The following NFASC variants were observed in gnomAD, a reference collection of about 807,000 sequenced individuals.
NFASC encodes neurofascin.
In NFASC, 43 loss-of-function variants were observed where a neutral mutation model predicts 147.5. The observed-to-expected ratio is 0.29, with a 90% CI of 0.23 to 0.38. NFASC has a LOEUF of 0.38. NFASC is among the 10% of genes least tolerant of loss of function. The pLI is 1.00. For missense variants in NFASC, 1,320 were observed against 1,689.0 expected, an observed-to-expected ratio of 0.78 and a Z score of 3.83; for synonymous variants, 622 against 665.5, an observed-to-expected ratio of 0.93 and a Z score of 1.01.
chr1:205,009,486 C>T, intron 27 of NFASC, 71 bp from the exon 28 acceptor site: 1 of 1,511,880 alleles, frequency 6.6e-7, no homozygotes, highest in South Asian at 1.1e-5. Flanking sequence ...TGAAGTTCTT[C>T]CCTCCATCTC....
At chr1:204,963,369 G>A (rs767541997) in intron 8 of NFASC, among the ~76,000 whole-genome samples, 3 of 152,194 alleles carry the variant, frequency 2.0e-5, no homozygotes, top group African/African-American at 4.8e-5. Context: ...GTTCTAAATC[G>A]GATTCCAGGT....
At chr1:204,912,880 T>C (rs1074104) in intron 1 of NFASC, among the ~76,000 whole-genome samples, 29,277 of 151,544 alleles carry the variant, frequency 0.19, 3,417 homozygotes, top group East Asian at 0.43. Flanking sequence ...ATTTAAAAAT[T>C]AGCTAAGCGT....
intron 28 of NFASC, among the ~76,000 whole-genome samples, chr1:205,012,063 G>T (rs2096264182): frequency 6.6e-6 from 1 of 152,206 alleles, no homozygotes; most frequent in African/African-American, 2.4e-5. Flanking sequence ...AACAAAAAAA[G>T]ATACATAAAG....
At chr1:204,831,432 T>G (rs1672198800) in intron 1 of NFASC, among the ~76,000 whole-genome samples, 1 of 151,354 alleles carries the variant, frequency 6.6e-6, no homozygotes, top group Admixed American at 6.6e-5. Flanking sequence ...TGGCTTTGCA[T>G]TTCTGGGGTG....
intron 1 of NFASC, among the ~76,000 whole-genome samples, chr1:204,888,152 A>G (rs993412741): frequency 1.3e-5 from 2 of 151,982 alleles, no homozygotes; most frequent in African/African-American, 4.8e-5. Context: ...GTTTCCATCC[A>G]TATTTGTCTC....
At chr1:204,928,061 A>G (rs1371266247) in intron 2 of NFASC, among the ~76,000 whole-genome samples, 2 of 152,014 alleles carry the variant, frequency 1.3e-5, no homozygotes, top group Non-Finnish European at 2.9e-5. Context: ...TAGTGGTAAC[A>G]CCTTAACTTG....
chr1:204,844,676 A>T (rs908738864), intron 1 of NFASC, among the ~76,000 whole-genome samples: 7 of 152,126 alleles, frequency 4.6e-5, no homozygotes, highest in Non-Finnish European at 1.0e-4. Context: ...GGCTCAATGT[A>T]AGAATTAAAG....
intron 1 of NFASC, among the ~76,000 whole-genome samples, chr1:204,893,153 A>G (rs2082729682): frequency 6.6e-6 from 1 of 152,220 alleles, no homozygotes; most frequent in Non-Finnish European, 1.5e-5. Flanking sequence ...CTGCTTTTCA[A>G]GTCTAGCTGG....
rs577373052 is a variant in NFASC, at chr1:204,968,090, A to G, written c.707-159A>G. 4.9e-4 allele frequency: 301 copies of G among 609,538 alleles called. 4 individuals carry two copies. The South Asian group carries it at 5.4e-3, about 11-fold the overall frequency. 37.8% of individuals were successfully genotyped at this position (609,538 alleles called of 1,614,324 possible). A position where few individuals can be genotyped will look rare whatever the true frequency, so the allele number is the denominator to read the frequency against. On this transcript the variant is annotated intron_variant, in intron 8 of 29. Transcript: ENST00000339876. The surrounding 1 kb of genome is among the most constrained non-coding windows in gnomAD (Gnocchi z 5.4). ...GGGCTGAGGAGCCCTGGGCTTCCTA[A>G]CACACCTCACTTAATGATGCCCAAG...
intron 1 of NFASC, among the ~76,000 whole-genome samples, chr1:204,866,448 G>C (rs563430292): frequency 2.6e-5 from 4 of 152,338 alleles, no homozygotes; most frequent in African/African-American, 9.6e-5. Flanking sequence ...CAAGAATTAA[G>C]AAGCTGGCAG....
intron 25 of NFASC, chr1:204,999,121 T>G (rs1300546383): frequency 6.6e-6 from 1 of 152,266 alleles, no homozygotes; most frequent in East Asian, 1.9e-4. Flanking sequence ...CCTGTCTTTT[T>G]CAGATTTCCA....
At chr1:204,837,435 C>G (rs907786339) in intron 1 of NFASC, among the ~76,000 whole-genome samples, 10 of 152,170 alleles carry the variant, frequency 6.6e-5, no homozygotes, top group African/African-American at 9.7e-5. Context: ...TGGGGCCAGA[C>G]TGTAGCAAAC....
In NFASC at chr1:204,883,211, C is replaced by T. The variant is rs142055305; in HGVS notation, c.-199-37421C>T. On this transcript the variant is annotated intron_variant, in intron 1 of 29. Coordinates refer to ENST00000339876, the MANE Select transcript of NFASC (RefSeq NM_001005388.3). Reference sequence around the variant, plus strand: ...ATGCAGAGAAGCTATATGTGGCAAGCACTATAGGCCATAAGGGGCTTGGCT... The same window carrying T: ...ATGCAGAGAAGCTATATGTGGCAAGTACTATAGGCCATAAGGGGCTTGGCT... Among the ~76,000 whole-genome samples, 348 of 152,284 alleles carry T rather than the reference C, an allele frequency of 2.3e-3. 3 individuals carry two copies. The highest frequency in any genetic ancestry group is 7.7e-3 in the African/African-American group (320 of 41,546).
intron 1 of NFASC, among the ~76,000 whole-genome samples, chr1:204,858,941 C>T (rs1045962445): frequency 6.6e-6 from 1 of 151,912 alleles, no homozygotes; most frequent in Non-Finnish European, 1.5e-5. Context: ...TTTTACCACC[C>T]GTCTCTTGCC....
At chr1:204,860,454 A>G (rs2076560322) in intron 1 of NFASC, among the ~76,000 whole-genome samples, 1 of 152,214 alleles carries the variant, frequency 6.6e-6, no homozygotes, top group African/African-American at 2.4e-5. Flanking sequence ...GAGGGTCTCA[A>G]CACTGCTGCC....
chr1:204,919,767 T>G (rs563421368), intron 1 of NFASC, among the ~76,000 whole-genome samples: 1 of 152,236 alleles, frequency 6.6e-6, no homozygotes, highest in South Asian at 2.1e-4. Flanking sequence ...TAGCTGGGAC[T>G]ACAGGTGTGC....
At chr1:204,948,498 C>T (rs1334404754) in intron 3 of NFASC, 2 of 461,090 alleles carry the variant, frequency 4.3e-6, no homozygotes, top group Admixed American at 2.4e-5. Context: ...CTCTCACTCA[C>T]CCTTCTCCAG....
intron 1 of NFASC, among the ~76,000 whole-genome samples, chr1:204,916,863 G>T (rs535573568): frequency 6.6e-6 from 1 of 152,154 alleles, no homozygotes; most frequent in African/African-American, 2.4e-5. Flanking sequence ...GTGAGTCACT[G>T]TGTCCAGCAT....
chr1:204,938,922 T>C (rs1211530300), intron 2 of NFASC, among the ~76,000 whole-genome samples: 3 of 152,162 alleles, frequency 2.0e-5, no homozygotes, highest in Admixed American at 1.3e-4. Context: ...TGTGTGGGAA[T>C]GTTGTCAGTA....
Sources: allele counts gnomAD v4.1 joint callset (sites outside exome capture counted in the v4.1 genomes callset), GRCh38; gene constraint gnomAD v4.1.1; non-coding constraint Gnocchi (gnomAD v3.1); transcripts MANE v1.5; gene names NCBI Gene and HGNC (gene_info 2026-07-23, HGNC 2026-07-21).